DHX8: variants seen among roughly 807,000 people sequenced by gnomAD.
DHX8 encodes the protein ATP-dependent RNA helicase DHX8.
In DHX8, 67 loss-of-function variants were observed where a neutral mutation model predicts 140.7. That is an observed-to-expected ratio of 0.48 (90% CI 0.39 to 0.58). DHX8 has a LOEUF of 0.58. Ranked by LOEUF, DHX8 falls within the 20% of genes least tolerant of loss-of-function variation. The pLI, the probability that DHX8 is intolerant of heterozygous loss-of-function variation, is 0.00. For missense variants in DHX8, 887 were observed against 1,550.7 expected (o/e 0.57, Z 7.19); for synonymous variants, 533 against 553.2 (o/e 0.96, Z 0.51).
chr17:43,496,076 T>A, intron 8 of DHX8, 105 bp from the exon 9 acceptor site: 1 of 803,880 alleles, frequency 1.2e-6, no homozygotes, highest in South Asian at 1.7e-5. Context: ...TCAGCCTGGG[T>A]GACAGAGCAA....
At position 43,507,874 on chromosome 17, in the gene DHX8, T is replaced by C; in HGVS notation, c.2175T>C (p.Phe725=). 4 of 1,614,192 alleles carry C rather than the reference T, an allele frequency of 2.5e-6. No homozygotes were observed. The highest frequency in any genetic ancestry group is 3.4e-6 in the Non-Finnish European group (4 of 1,180,030). Residue 725 remains phenylalanine, a synonymous_variant, in exon 15 of 23, where the codon TTT becomes TTC. Transcript: ENST00000262415. ...VTSATLDAVK[F]SQYFYEAPIF... is the part of the protein sequence containing the mutation. Reference sequence around the variant, plus strand: ...CAGCCACCTTGGATGCAGTGAAGTTTTCTCAATACTTCTATGAAGCTCCCA... The same window carrying C: ...CAGCCACCTTGGATGCAGTGAAGTTCTCTCAATACTTCTATGAAGCTCCCA...
chr17:43,529,796 C>T (rs1970796840), downstream of DHX8: 2 of 1,600,232 alleles, frequency 1.2e-6, no homozygotes, highest in African/African-American at 2.7e-5. Flanking sequence ...GGGTCCCACC[C>T]TCTTGCAACA....
intron 18 of DHX8, chr17:43,518,561 AG>A (rs1274581534): frequency 1.3e-5 from 2 of 148,534 alleles, no homozygotes; most frequent in African/African-American, 4.9e-5. Flanking sequence ...AGACAGGACA[AG>A]TTGGTAGACT....
intron 2 of DHX8, among the ~76,000 whole-genome samples, chr17:43,532,133 G>A (rs928282820): frequency 6.6e-6 from 1 of 152,144 alleles, no homozygotes; most frequent in African/African-American, 2.4e-5. Context: ...TAAAGTGCTG[G>A]GATTACAGAT....
At chr17:43,488,559 C>T (rs537634872) in intron 1 of DHX8, among the ~76,000 whole-genome samples, 2 of 150,908 alleles carry the variant, frequency 1.3e-5, no homozygotes, top group South Asian at 2.1e-4. Context: ...TGCAGTGAGC[C>T]GATATCGCAC....
downstream of DHX8, chr17:43,525,775 T>C: frequency 1.0e-6 from 1 of 985,718 alleles, no homozygotes; most frequent in Non-Finnish European, 1.2e-6. Context: ...TGGCTCCCAG[T>C]CCTAATTCCA....
At chr17:43,502,036 C>T (rs1457288761) in intron 11 of DHX8, among the ~76,000 whole-genome samples, 1 of 152,140 alleles carries the variant, frequency 6.6e-6, no homozygotes, top group Non-Finnish European at 1.5e-5. Flanking sequence ...GGTATGAGCA[C>T]TAGGATGAAT....
chr17:43,484,177 A>G lies in DHX8; in HGVS notation c.140A>G (p.Lys47Arg), dbSNP rs201325129. The G allele has an allele frequency of 1.9e-6, 3 of 1,614,042 alleles. No homozygotes were observed. Among genetic ancestry groups the G allele is most frequent in the Admixed American group, 3.3e-5 (2 of 60,018 alleles). ...ELDNHLGIND[K>R]DLAEFVISLA... The stretch of plus-strand genomic sequence containing the variant: ...GACAATCACTTGGGGATCAACGACA[A>G]GGACCTTGGTGAGCTCGGGGAGGTC... Residue 47 changes from lysine (K) to arginine (R), a missense_variant, in exon 1 of 23, where the codon AAG becomes AGG. Transcript: ENST00000262415.
At chr17:43,498,594 T>G (rs1350661400) in intron 9 of DHX8, among the ~76,000 whole-genome samples, 1 of 151,832 alleles carries the variant, frequency 6.6e-6, no homozygotes, top group Non-Finnish European at 1.5e-5. Flanking sequence ...GGACTACAGG[T>G]GCCCACCACC....
intron 1 of DHX8, among the ~76,000 whole-genome samples, chr17:43,486,974 T>A (rs1468314581): frequency 6.6e-6 from 1 of 152,036 alleles, no homozygotes; most frequent in Non-Finnish European, 1.5e-5. Context: ...CCTAGCACCA[T>A]GGGACTTAGT....
At chr17:43,502,956 G>A (rs1372713241) in intron 11 of DHX8, among the ~76,000 whole-genome samples, 3 of 151,930 alleles carry the variant, frequency 2.0e-5, no homozygotes, top group African/African-American at 4.8e-5. Flanking sequence ...GTATTTTTTC[G>A]TAGCCAGCTT....
rs1438034122 is a variant in DHX8, at chr17:43,536,233, G to A, written c.351-179G>A. The A allele has an allele frequency of 7.8e-6, 5 of 641,952 alleles. No homozygotes were observed. In the East Asian group the frequency reaches 1.0e-4, roughly 13 times the overall value. The allele number at this position is 641,952 out of a possible 1,614,324, so 39.8% of individuals were successfully genotyped here. ...CCAGAGGGATAGTGTCTGCTCTAAGGTCACACAGCAAGAACATGTCAAGCC... is the reference window on the plus strand; with the variant it reads ...CCAGAGGGATAGTGTCTGCTCTAAGATCACACAGCAAGAACATGTCAAGCC... On this transcript the variant is annotated intron_variant, in intron 2 of 3. Transcript: ENST00000589898.
At chr17:43,529,547 C>T (rs1002680213), downstream of DHX8, 1 of 1,614,016 alleles carries the variant, frequency 6.2e-7, no homozygotes. Context: ...CCGGCCCGTC[C>T]AGGCAATGAA....
intron 3 of DHX8, among the ~76,000 whole-genome samples, chr17:43,543,170 G>T (rs1971608495): frequency 6.6e-6 from 1 of 151,830 alleles, no homozygotes; most frequent in South Asian, 2.1e-4. Context: ...GAACCAAGGA[G>T]ATCCCAGCGC....
chr17:43,520,629 C>A, intron 19 of DHX8, 122 bp from the exon 20 acceptor site: 1 of 1,168,578 alleles, frequency 8.6e-7, no homozygotes, highest in Non-Finnish European at 1.2e-6. Flanking sequence ...AAAGGCATCC[C>A]AAGGCATCAT....
intron 1 of DHX8, 98 bp downstream of exon 1, chr17:43,484,283 T>C: frequency 7.3e-7 from 1 of 1,365,526 alleles, no homozygotes; most frequent in Non-Finnish European, 1.0e-6. Flanking sequence ...CGAAAGTATG[T>C]TCGTGTGAAT....
In DHX8 at chr17:43,525,174, A is replaced by G. The variant is rs1970570082; in HGVS notation, c.*1327A>G. ...CGGAACTTACGGAAAGCTGGTCTGG[A>G]TGTAGTGCTTGTAGAGAAGCTTCTG... On this transcript the variant is annotated 3_prime_UTR_variant, in exon 23 of 23. Coordinates refer to ENST00000262415, the MANE Select transcript of DHX8 (RefSeq NM_004941.3). The G allele has an allele frequency of 3.0e-6, 3 of 985,268 alleles. No individual in the cohort carries two copies. The highest frequency in any genetic ancestry group is 3.6e-6 in the Non-Finnish European group (3 of 829,950). 61.0% of individuals were successfully genotyped at this position (985,268 alleles called of 1,614,324 possible). A position where few individuals can be genotyped will look rare whatever the true frequency, so the allele number is the denominator to read the frequency against.
At chr17:43,528,553 TG>T, downstream of DHX8, 3 of 1,612,794 alleles carry the variant, frequency 1.9e-6, no homozygotes, top group Non-Finnish European at 1.7e-6. Flanking sequence ...GCCAAATGGC[TG>T]GGCGGGGCCA....
downstream of DHX8, among the ~76,000 whole-genome samples, chr17:43,530,859 G>A (rs1237132628): frequency 6.6e-6 from 1 of 152,008 alleles, no homozygotes; most frequent in East Asian, 1.9e-4. Context: ...TGAATGAGAA[G>A]ATGGTGAAAC....
Sources: gnomAD v4.1 joint callset for allele counts (sites outside exome capture counted in the v4.1 genomes callset) on GRCh38, gnomAD v4.1.1 for gene constraint, MANE v1.5 for transcripts, NCBI Gene and HGNC (gene_info 2026-07-23, HGNC 2026-07-21) for gene names.